KIFAP3: variants seen among roughly 807,000 people sequenced by gnomAD.
KIFAP3 encodes kinesin-associated protein 3.
In KIFAP3, 68 loss-of-function variants were observed where a neutral mutation model predicts 106.5. The observed-to-expected ratio is 0.64, with a 90% confidence interval of 0.53 to 0.78. The LOEUF (loss-of-function observed/expected upper bound fraction) is 0.78. KIFAP3 is among the 30% of genes least tolerant of loss of function. KIFAP3 has a pLI of 0.00. For missense variants in KIFAP3, 780 were observed against 941.8 expected (o/e 0.83, Z 2.25); for synonymous variants, 320 against 311.5 (o/e 1.03, Z -0.29).
intron 10 of KIFAP3, among the ~76,000 whole-genome samples, chr1:169,999,915 T>C (rs183675265): frequency 6.6e-6 from 1 of 152,188 alleles, no homozygotes; most frequent in Middle Eastern, 3.4e-3. Context: ...TTAAAGAAAT[T>C]TACAGCTGTA....
At chr1:170,000,940 T>G (rs754228194) in intron 10 of KIFAP3, among the ~76,000 whole-genome samples, 10 of 152,132 alleles carry the variant, frequency 6.6e-5, no homozygotes, top group Non-Finnish European at 1.2e-4. Flanking sequence ...TAATTTTTTA[T>G]GTCCAATTAT....
chr1:170,012,463 T>G (rs1668289447), intron 10 of KIFAP3, among the ~76,000 whole-genome samples: 1 of 152,156 alleles, frequency 6.6e-6, no homozygotes, highest in African/African-American at 2.4e-5. Flanking sequence ...TACACTATAC[T>G]GCTTCTCACT....
chr1:170,004,385 C>G lies in KIFAP3; in HGVS notation c.1183+12077G>C, dbSNP rs957633064. ...AAAGTTCATATGGAGCCAAAAAAGA[C>G]CCCGCATTGCCAAGTCAATCCTAAG... On this transcript the variant is annotated intron_variant, in intron 10 of 19. Coordinates refer to ENST00000361580, the MANE Select transcript of KIFAP3 (RefSeq NM_014970.4). Among the ~76,000 whole-genome samples the G allele has an allele frequency of 3.3e-5, 5 of 151,934 alleles. No individual in the cohort carries two copies. The South Asian group carries it at 6.2e-4, about 19-fold the overall frequency.
chr1:170,082,807 T>C (rs774321132), intron 1 of KIFAP3, among the ~76,000 whole-genome samples: 8 of 151,984 alleles, frequency 5.3e-5, no homozygotes, highest in African/African-American at 7.2e-5. Context: ...ACCCCATCTC[T>C]ATCAAAAATA....
chr1:169,991,111 G>A (rs747735542), intron 11 of KIFAP3, among the ~76,000 whole-genome samples: 2 of 152,012 alleles, frequency 1.3e-5, no homozygotes, highest in African/African-American at 4.8e-5. Context: ...GGACAAGCGG[G>A]GGAAGATTAC....
chr1:169,923,520 T>C (rs590181), intron 19 of KIFAP3, among the ~76,000 whole-genome samples: 142,446 of 152,326 alleles, frequency 0.94, 66,692 homozygotes, highest in East Asian at 0.99. Context: ...CTTCATCTTT[T>C]GCTTATTACC....
chr1:170,049,668 G>C lies in KIFAP3; in HGVS notation c.165-2802C>G, dbSNP rs142367800. ...AGGCAGTAATCTTTGCTGTTCAGCA[G>C]CTTCCACTGGTAATACCCAGGAGGA... On this transcript the variant is annotated intron_variant, in intron 2 of 19. Transcript: ENST00000361580. Among the ~76,000 whole-genome samples the C allele has an allele frequency of 3.1e-3, 469 of 152,318 alleles. 16 individuals carry two copies. The South Asian group carries it at 0.057, about 19-fold the overall frequency.
At chr1:170,020,786 G>A (rs78100625) in intron 9 of KIFAP3, among the ~76,000 whole-genome samples, 2,764 of 152,178 alleles carry the variant, frequency 0.018, 81 homozygotes, top group African/African-American at 0.061. Flanking sequence ...GGAACAACTA[G>A]ACATCCATAT....
At chr1:170,037,567 TA>T (rs754282799) in intron 5 of KIFAP3, among the ~76,000 whole-genome samples, 178 of 137,398 alleles carry the variant, frequency 1.3e-3, no homozygotes, top group Middle Eastern at 3.7e-3. Flanking sequence ...CTGTCTCTAC[TA>T]AAAAAAAAAA....
intron 7 of KIFAP3, chr1:170,032,235 TA>T: frequency 3.1e-6 from 1 of 319,584 alleles, no homozygotes; most frequent in Non-Finnish European, 5.8e-6. Context: ...TAACATCATA[TA>T]GATATTTGAA....
chr1:169,946,331 A>T (rs942478843), intron 19 of KIFAP3, among the ~76,000 whole-genome samples: 7 of 151,830 alleles, frequency 4.6e-5, no homozygotes, highest in African/African-American at 1.7e-4. Flanking sequence ...TTCCAAGCAA[A>T]TCTGAATCAC....
chr1:170,069,415 T>C (rs1222818943), intron 1 of KIFAP3, among the ~76,000 whole-genome samples: 1 of 152,050 alleles, frequency 6.6e-6, no homozygotes, highest in Non-Finnish European at 1.5e-5. Context: ...CAGGAAAACC[T>C]TTAGACCAAT....
intron 3 of KIFAP3, chr1:170,041,913 T>C (rs1433074372): frequency 7.6e-7 from 1 of 1,307,712 alleles, no homozygotes; most frequent in East Asian, 2.6e-5. Flanking sequence ...TTGGGGGAAG[T>C]ACTCCTGGGC....
intron 19 of KIFAP3, among the ~76,000 whole-genome samples, chr1:169,947,665 A>G (rs1007090730): frequency 5.9e-5 from 9 of 151,896 alleles, no homozygotes; most frequent in African/African-American, 2.2e-4. Flanking sequence ...ATGAAAATCA[A>G]TATAAATGGA....
chr1:170,021,434 G>GTTTTTTTTTTTTTTTTTTTT (rs746455008), intron 9 of KIFAP3, among the ~76,000 whole-genome samples: 1 of 113,788 alleles, frequency 8.8e-6, no homozygotes, highest in Non-Finnish European at 1.8e-5. Context: ...TTGTTATTAA[G>GTTTTTTTTTTTTTTTTTTTT]TTTTTTTTTT....
At chr1:170,062,288 T>A (rs1190496617) in intron 1 of KIFAP3, among the ~76,000 whole-genome samples, 1 of 149,806 alleles carries the variant, frequency 6.7e-6, no homozygotes, top group Non-Finnish European at 1.5e-5. Flanking sequence ...CCCCAAACCC[T>A]ACATTGCTTA....
At chr1:170,056,987 C>T (rs918167973) in intron 1 of KIFAP3, among the ~76,000 whole-genome samples, 3 of 151,930 alleles carry the variant, frequency 2.0e-5, no homozygotes, top group Admixed American at 1.3e-4. Context: ...TGTACAAAAG[C>T]TATAGAAGTC....
chr1:170,001,499 C>T (rs1436711138), intron 10 of KIFAP3, among the ~76,000 whole-genome samples: 1 of 152,070 alleles, frequency 6.6e-6, no homozygotes, highest in East Asian at 1.9e-4. Flanking sequence ...ACCCTGACGG[C>T]GAGACATGTG....
At chr1:170,081,681 A>G (rs1257273322) in intron 1 of KIFAP3, among the ~76,000 whole-genome samples, 3 of 152,196 alleles carry the variant, frequency 2.0e-5, no homozygotes, top group Non-Finnish European at 4.4e-5. Context: ...CTCTATGACC[A>G]CAGCCAGGAA....
Sources: gnomAD v4.1 joint callset for allele counts (sites outside exome capture counted in the v4.1 genomes callset) on GRCh38, gnomAD v4.1.1 for gene constraint, MANE v1.5 for transcripts, NCBI Gene and HGNC (gene_info 2026-07-23, HGNC 2026-07-21) for gene names.